PIK3C3: variants seen among roughly 807,000 people sequenced by gnomAD.
PIK3C3 encodes phosphatidylinositol 3-kinase catalytic subunit type 3.
A neutral mutation model predicts 126.1 loss-of-function variants in PIK3C3; 95 were observed. That is an observed-to-expected ratio of 0.75 (90% CI 0.64 to 0.89). The LOEUF (loss-of-function observed/expected upper bound fraction) is 0.89. Ranked by LOEUF, PIK3C3 falls within the 40% of genes least tolerant of loss-of-function variation. The pLI is 0.00. For missense variants in PIK3C3, 829 were observed against 1,063.2 expected (o/e 0.78, Z 3.06); for synonymous variants, 374 against 360.0 (o/e 1.04, Z -0.44).
At chr18:42,064,653 A>G (rs1183889115) in intron 22 of PIK3C3, 87 bp from the exon 23 acceptor site, 1 of 671,990 alleles carries the variant, frequency 1.5e-6, no homozygotes, top group African/African-American at 1.8e-5. Context: ...AAATCCAAGT[A>G]CCACTACTTC....
chr18:42,012,045 T>C (rs754477581), intron 10 of PIK3C3, among the ~76,000 whole-genome samples: 28 of 152,038 alleles, frequency 1.8e-4, no homozygotes, highest in Non-Finnish European at 3.4e-4. Flanking sequence ...CCATAACAGA[T>C]AAAATAATAA....
chr18:42,076,782 A>C (rs967434032), intron 24 of PIK3C3, among the ~76,000 whole-genome samples: 2 of 152,208 alleles, frequency 1.3e-5, no homozygotes, highest in Admixed American at 1.3e-4. Context: ...AAGATTTTTA[A>C]ACACTTGAAT....
rs781403910 is a variant in PIK3C3 at position 41,996,655 on chromosome 18, A to G, written c.909A>G (p.Pro303=). The G allele has an allele frequency of 7.0e-6, 11 of 1,568,102 alleles. No homozygotes were observed. Among genetic ancestry groups the G allele is most frequent in the Admixed American group, 1.8e-5 (1 of 55,160 alleles). Reference sequence around the variant, plus strand: ...TGTTTTAGATTATTGTGAGTTATCCACCAACCAAGCAACTTACATATGAAG... The same window carrying G: ...TGTTTTAGATTATTGTGAGTTATCCGCCAACCAAGCAACTTACATATGAAG... ...RDQLNIIVSY[P]PTKQLTYEEQ... Residue 303 remains proline, a synonymous_variant, in exon 9 of 25, where the codon CCA becomes CCG. Transcript: ENST00000262039.
chr18:41,982,217 A>C (rs1207041412), intron 4 of PIK3C3, among the ~76,000 whole-genome samples: 1 of 152,252 alleles, frequency 6.6e-6, no homozygotes, highest in South Asian at 2.1e-4. Flanking sequence ...GTTTAGAGGA[A>C]TGAGATGGGA....
chr18:42,008,948 G>T (rs555734), intron 10 of PIK3C3, among the ~76,000 whole-genome samples: 76,362 of 151,782 alleles, frequency 0.5, 21,251 homozygotes, highest in African/African-American at 0.75. Context: ...CCTTTTTTAT[G>T]TTATATGGTT....
At chr18:42,038,630 C>T in intron 17 of PIK3C3, 151 bp from the exon 18 acceptor site, 1 of 579,134 alleles carries the variant, frequency 1.7e-6, no homozygotes. Flanking sequence ...AGTGGGGAAC[C>T]ACTGTGCCCA....
intron 22 of PIK3C3, among the ~76,000 whole-genome samples, chr18:42,062,751 A>T (rs926095173): frequency 2.6e-5 from 4 of 152,052 alleles, no homozygotes; most frequent in African/African-American, 9.7e-5. Flanking sequence ...CTAAAAATCT[A>T]GTAGGCACCT....
At chr18:42,045,985 A>G (rs370541458) in intron 20 of PIK3C3, among the ~76,000 whole-genome samples, 11 of 152,182 alleles carry the variant, frequency 7.2e-5, no homozygotes, top group Admixed American at 6.5e-4. Context: ...TCAGAATGGT[A>G]TGTTACAGGT....
At chr18:42,011,335 T>C in intron 10 of PIK3C3, among the ~76,000 whole-genome samples, 1 of 152,258 alleles carries the variant, frequency 6.6e-6, no homozygotes, top group East Asian at 1.9e-4. Context: ...TATAGTCACC[T>C]GCATCAATAA....
At chr18:42,041,581 C>T (rs1984323438) in intron 19 of PIK3C3, among the ~76,000 whole-genome samples, 1 of 127,586 alleles carries the variant, frequency 7.8e-6, no homozygotes, top group Admixed American at 7.8e-5. Context: ...TTTCCTGCTT[C>T]CCTTTGTAAA....
At chr18:42,061,620 G>A (rs1266343715) in intron 22 of PIK3C3, among the ~76,000 whole-genome samples, 1 of 152,050 alleles carries the variant, frequency 6.6e-6, no homozygotes, top group Non-Finnish European at 1.5e-5. Context: ...TTTCTGAGTA[G>A]GACATTAAAT....
intron 15 of PIK3C3, among the ~76,000 whole-genome samples, chr18:42,033,279 T>C (rs1162351667): frequency 6.6e-6 from 1 of 152,204 alleles, no homozygotes; most frequent in Non-Finnish European, 1.5e-5. Context: ...GTATATGAGC[T>C]GAAGAAAATG....
intron 21 of PIK3C3, chr18:42,053,067 G>A (rs1471586084): frequency 6.6e-6 from 1 of 152,136 alleles, no homozygotes; most frequent in African/African-American, 2.4e-5. Flanking sequence ...CCAGTTCTTT[G>A]ATATGGGGGA....
intron 20 of PIK3C3, among the ~76,000 whole-genome samples, chr18:42,047,177 CTG>C (rs572449100): frequency 2.4e-3 from 358 of 152,188 alleles, no homozygotes; most frequent in Non-Finnish European, 3.1e-3. Context: ...CAAAAACTAA[CTG>C]TAATTTATAA....
chr18:42,066,610 T>A (rs781766777), intron 23 of PIK3C3, among the ~76,000 whole-genome samples: 13 of 152,202 alleles, frequency 8.5e-5, no homozygotes, highest in Non-Finnish European at 1.8e-4. Flanking sequence ...CTACTGTATG[T>A]TTGCGTATCA....
intron 9 of PIK3C3, among the ~76,000 whole-genome samples, chr18:42,003,014 T>A (rs1982363388): frequency 6.6e-6 from 1 of 152,180 alleles, no homozygotes; most frequent in African/African-American, 2.4e-5. Flanking sequence ...GGCTGAGAAT[T>A]GGTGGACCTG....
At chr18:41,999,889 G>C (rs1342102515) in intron 9 of PIK3C3, among the ~76,000 whole-genome samples, 1 of 152,062 alleles carries the variant, frequency 6.6e-6, no homozygotes, top group Non-Finnish European at 1.5e-5. Context: ...GCATGAGTAA[G>C]GTAGGCTGTT....
chr18:41,966,325 G>A (rs1235543059), intron 3 of PIK3C3, among the ~76,000 whole-genome samples: 1 of 151,450 alleles, frequency 6.6e-6, no homozygotes, highest in Admixed American at 6.6e-5. Context: ...CCATGCCACC[G>A]TGCCCAGCTA....
intron 11 of PIK3C3, among the ~76,000 whole-genome samples, chr18:42,014,737 T>C (rs941376529): frequency 6.6e-6 from 1 of 152,176 alleles, no homozygotes; most frequent in African/African-American, 2.4e-5. Context: ...ATTTAAATTA[T>C]TACATGAGCT....
Sources: allele counts gnomAD v4.1 joint callset (sites outside exome capture counted in the v4.1 genomes callset), GRCh38; gene constraint gnomAD v4.1.1; transcripts MANE v1.5; gene names NCBI Gene and HGNC (gene_info 2026-07-23, HGNC 2026-07-21).